FGD2: variants seen among roughly 807,000 people sequenced by gnomAD.
FGD2 encodes the protein FYVE, RhoGEF and PH domain containing 2, also known as FYVE, RhoGEF and PH domain-containing protein 2.
Under a neutral mutation model 75.9 loss-of-function variants are expected in FGD2, and 52 were observed. That is an observed-to-expected ratio of 0.69 (90% CI 0.55 to 0.86). The LOEUF (loss-of-function observed/expected upper bound fraction) is 0.86, where lower values mean the gene tolerates loss of function less well. FGD2 is among the 40% of genes least tolerant of loss of function. FGD2 has a pLI of 0.00. For missense variants in FGD2, 790 were observed against 872.0 expected (o/e 0.91, Z 1.18); for synonymous variants, 347 against 348.6 (o/e 1.00, Z 0.05).
At chr6:37,008,800 G>A in intron 1 of FGD2, 34 bp from the exon 2 acceptor site, 1 of 1,513,980 alleles carries the variant, frequency 6.6e-7, no homozygotes, top group Non-Finnish European at 8.9e-7. Context: ...TGTTCTCCAG[G>A]GAGGAAGCCC....
intron 1 of FGD2, among the ~76,000 whole-genome samples, chr6:37,006,950 G>C (rs1764783376): frequency 6.6e-6 from 1 of 152,112 alleles, no homozygotes; most frequent in Non-Finnish European, 1.5e-5. Flanking sequence ...CATGTGGACT[G>C]GACAAGAGAC....
intron 9 of FGD2, among the ~76,000 whole-genome samples, chr6:37,019,273 A>G (rs1275684521): frequency 6.6e-6 from 1 of 152,188 alleles, no homozygotes; most frequent in Non-Finnish European, 1.5e-5. Flanking sequence ...CCTTGCACAC[A>G]AAGAGGTATT....
chr6:37,024,883 CCTT>C (rs1201014025), intron 13 of FGD2: 1 of 152,212 alleles, frequency 6.6e-6, no homozygotes, highest in East Asian at 1.9e-4. Flanking sequence ...CAGGGCCAGG[CCTT>C]CTTCTCCAGG....
At chr6:37,026,227 G>C in intron 14 of FGD2, 1 of 985,424 alleles carries the variant, frequency 1.0e-6, no homozygotes, top group Non-Finnish European at 1.2e-6. Flanking sequence ...CCTCTGGACA[G>C]CTCATGTTCA....
At chr6:37,021,339 C>T (rs1195199373) in intron 11 of FGD2, among the ~76,000 whole-genome samples, 173 bp from the exon 12 acceptor site, 1 of 152,170 alleles carries the variant, frequency 6.6e-6, no homozygotes, top group Non-Finnish European at 1.5e-5. Context: ...ACATCTGTAA[C>T]CTGGGGCTGG....
chr6:37,027,355 T>C, intron 14 of FGD2, 74 bp from the exon 15 acceptor site: 1 of 1,523,830 alleles, frequency 6.6e-7, no homozygotes, highest in Non-Finnish European at 8.9e-7. Context: ...GAGATAGTGA[T>C]TGTCAAGCCC....
intron 9 of FGD2, among the ~76,000 whole-genome samples, chr6:37,019,858 T>TTC (rs1554150717): frequency 1.3e-5 from 2 of 148,696 alleles, no homozygotes; most frequent in Admixed American, 6.7e-5. Context: ...TTCTTTTCTT[T>TTC]TTTTTTTTTT....
chr6:37,014,855 GC>G, intron 7 of FGD2, 36 bp from the exon 8 acceptor site: 1 of 1,611,230 alleles, frequency 6.2e-7, no homozygotes, highest in Non-Finnish European at 8.5e-7. Context: ...GGTGAGCCCT[GC>G]CCAGACTTGG....
At chr6:37,018,884 T>C (rs1256144579) in intron 9 of FGD2, among the ~76,000 whole-genome samples, 2 of 152,218 alleles carry the variant, frequency 1.3e-5, no homozygotes, top group Non-Finnish European at 2.9e-5. Flanking sequence ...ACGTACTGTA[T>C]GGACTAGCAG....
At chr6:37,026,733 C>G (rs913894182) in intron 14 of FGD2, among the ~76,000 whole-genome samples, 6 of 152,098 alleles carry the variant, frequency 3.9e-5, no homozygotes, top group Admixed American at 2.6e-4. Context: ...GGCGGGAAGG[C>G]TCATGCCTGT....
rs1292514655 is a variant in FGD2, at chr6:37,020,635, G to A, written c.1202+15G>A. ...CTGCAAGCCCGGTAAAGGAGCTGGG[G>A]TGGCGGCCCAGGGCCAGGCGGGAAA... On this transcript the variant is annotated intron_variant, in intron 10 of 15. Coordinates refer to ENST00000274963, the MANE Select transcript of FGD2 (RefSeq NM_173558.4). 2.5e-6 allele frequency: 4 copies of A among 1,595,896 alleles called. No homozygotes were observed. The highest frequency in any genetic ancestry group is 3.4e-6 in the Non-Finnish European group (4 of 1,171,000).
rs150720295 is a variant in FGD2 at position 37,025,995 on chromosome 6, C to T, written c.1605+57C>T. 1,135 of 1,595,842 alleles carry T rather than the reference C, an allele frequency of 7.1e-4. 5 individuals carry two copies. The African/African-American group carries it at 0.013, about 18-fold the overall frequency. ...GTCCTCTGTTCAGGGAATGTGTGCC[C>T]GGCAACCATGCTGGGCTGACACTGT... is the stretch of plus-strand genomic sequence containing the variant. On this transcript the variant is annotated intron_variant, in intron 14 of 15. Transcript: ENST00000274963.
Position 37,013,590 on chromosome 6 carries a change from C to A in FGD2, c.528-19C>A, listed in dbSNP as rs774034209. 3 of 1,610,098 alleles carry A rather than the reference C, an allele frequency of 1.9e-6. No individual in the cohort carries two copies. In the Admixed American group the frequency reaches 5.0e-5, roughly 27 times the overall value. ...AGGAGGTCTCTAGGCTGAGGGCAAT[C>A]CCTGTGCCCCTCCTGCAGGACAGCT... On this transcript the variant is annotated intron_variant, in intron 4 of 15. Coordinates refer to ENST00000274963, the MANE Select transcript of FGD2 (RefSeq NM_173558.4).
chr6:37,017,104 CT>C (rs749880104), intron 9 of FGD2, among the ~76,000 whole-genome samples: 287 of 143,640 alleles, frequency 2.0e-3, no homozygotes, highest in Middle Eastern at 3.5e-3. Context: ...CTGCACTTTG[CT>C]TTTTTTTTTT....
At chr6:37,015,143 A>G (rs1765221521) in intron 8 of FGD2, 105 bp downstream of exon 8, 1 of 1,423,350 alleles carries the variant, frequency 7.0e-7, no homozygotes, top group Non-Finnish European at 9.4e-7. Flanking sequence ...GCAGGGGGAC[A>G]GGGAAGAGAA....
At position 37,014,053 on chromosome 6, in the gene FGD2, A is replaced by G. The variant is rs1765156897; in HGVS notation, c.776A>G (p.Tyr259Cys). 2 of 1,614,004 alleles carry G rather than the reference A, an allele frequency of 1.2e-6. No individual in the cohort carries two copies. The highest frequency in any genetic ancestry group is 8.5e-7 in the Non-Finnish European group (1 of 1,179,994). The change falls in exon 6 of 16, where the codon TAC (tyrosine) becomes TGC (cysteine). Residue 259 changes from tyrosine to cysteine, a missense_variant. Tyr to Cys is a radical substitution (Grantham distance 194). Transcript: ENST00000274963. ...CGTTACGAGCTGCTGCTCAAGGAGT[A>G]CATCCAGAAGCTGCCAGCCCAGGCC... ...IPRYELLLKE[Y>C]IQKLPAQAPD...
At chr6:37,020,765 G>A (rs1235468418) in intron 11 of FGD2, 26 bp downstream of exon 11, 3 of 1,555,682 alleles carry the variant, frequency 1.9e-6, no homozygotes, top group Admixed American at 1.9e-5. Flanking sequence ...GAGGCTTCTG[G>A]GAGTCTTTTT....
At chr6:37,022,143 G>A in intron 12 of FGD2, 96 bp from the exon 13 acceptor site, 1 of 1,469,860 alleles carries the variant, frequency 6.8e-7, no homozygotes, top group Non-Finnish European at 9.0e-7. Context: ...AAGAATCCCT[G>A]CTACAGCAGG....
At chr6:37,019,761 G>A (rs1025882206) in intron 9 of FGD2, among the ~76,000 whole-genome samples, 3 of 152,074 alleles carry the variant, frequency 2.0e-5, no homozygotes, top group African/African-American at 7.2e-5. Flanking sequence ...TGCCCTCTCT[G>A]AGCATCCATT....
Sources: gnomAD v4.1 joint callset for allele counts (sites outside exome capture counted in the v4.1 genomes callset) on GRCh38, gnomAD v4.1.1 for gene constraint, MANE v1.5 for transcripts, NCBI Gene and HGNC (gene_info 2026-07-23, HGNC 2026-07-21) for gene names.